RBFOX1: variants seen among roughly 807,000 people sequenced by gnomAD.
RBFOX1 encodes the protein RNA binding protein fox-1 homolog 1.
A neutral mutation model predicts 57.7 loss-of-function variants in RBFOX1; 8 were observed. The observed-to-expected ratio is 0.14, with a 90% CI of 0.08 to 0.25. RBFOX1 has a LOEUF of 0.25. Among genes scored for constraint, RBFOX1 ranks in the 10% least tolerant of loss-of-function variants. The pLI is 1.00. For missense variants in RBFOX1, 611 were observed against 548.5 expected (o/e 1.11, Z -1.14); for synonymous variants, 326 against 222.4 (o/e 1.47, Z -4.15).
intron 6 of RBFOX1, among the ~76,000 whole-genome samples, chr16:7,580,608 C>A (rs1202525763): frequency 6.6e-6 from 1 of 152,156 alleles, no homozygotes; most frequent in Admixed American, 6.5e-5. Flanking sequence ...CAGAGCAGGC[C>A]ACAAGTCACC....
intron 1 of RBFOX1, among the ~76,000 whole-genome samples, chr16:6,308,303 C>G (rs1337097395): frequency 6.6e-6 from 1 of 152,020 alleles, no homozygotes; most frequent in African/African-American, 2.4e-5. Context: ...TTGCTTATTC[C>G]TTATGTAGAT....
chr16:5,953,071 C>A (rs1178378168), intron 4 of RBFOX1, among the ~76,000 whole-genome samples: 2 of 129,756 alleles, frequency 1.5e-5, no homozygotes, highest in Admixed American at 8.6e-5. Flanking sequence ...GAAAGTACCA[C>A]TGATTTAGCT....
chr16:5,296,609 C>G (rs1017889149), intron 1 of RBFOX1, among the ~76,000 whole-genome samples: 5 of 151,410 alleles, frequency 3.3e-5, no homozygotes, highest in African/African-American at 4.9e-5. Context: ...ACATTTTCCT[C>G]CTTTCTGACA....
intron 3 of RBFOX1, among the ~76,000 whole-genome samples, chr16:6,987,086 A>G (rs370823249): frequency 1.2e-4 from 18 of 152,090 alleles, no homozygotes; most frequent in Non-Finnish European, 1.5e-4. Context: ...CAAGCGATCT[A>G]TTAGCAGCTT....
intron 1 of RBFOX1, among the ~76,000 whole-genome samples, chr16:5,396,832 T>C (rs1458062361): frequency 6.6e-6 from 1 of 152,226 alleles, no homozygotes; most frequent in East Asian, 1.9e-4. Flanking sequence ...AGTAGATTGA[T>C]TTCTTGAACT....
chr16:6,606,640 T>A (rs1255799372), intron 2 of RBFOX1, among the ~76,000 whole-genome samples: 1 of 152,186 alleles, frequency 6.6e-6, no homozygotes, highest in African/African-American at 2.4e-5. Context: ...GTTAGTTTGC[T>A]AAGGATAATG....
chr16:5,414,164 G>A (rs2067097848), intron 1 of RBFOX1, among the ~76,000 whole-genome samples: 1 of 152,302 alleles, frequency 6.6e-6, no homozygotes, highest in African/African-American at 2.4e-5. Flanking sequence ...ATTGCGCCAA[G>A]GGAAAAACAA....
chr16:5,660,784 G>T (rs561877194), intron 3 of RBFOX1, among the ~76,000 whole-genome samples: 2 of 152,302 alleles, frequency 1.3e-5, no homozygotes, highest in South Asian at 4.1e-4. Flanking sequence ...GAGGTGAGCT[G>T]AAGCAGGCGG....
chr16:6,045,753 A>G lies in RBFOX1; in HGVS notation c.-127+25761A>G, dbSNP rs191368310. ...GAAATCAAGTACACTGTGTTTCCTT[A>G]GGTGGAAGGTGTGGCTACAGAGTTT... On this transcript the variant is annotated intron_variant, in intron 1 of 15. Transcript: ENST00000550418. 2.8e-4 allele frequency among the ~76,000 whole-genome samples: 42 copies of G among 152,340 alleles called. No individual in the cohort carries two copies. The East Asian group carries it at 7.1e-3, about 26-fold the overall frequency.
At chr16:5,920,742 G>T (rs1023472497) in intron 4 of RBFOX1, among the ~76,000 whole-genome samples, 1 of 152,192 alleles carries the variant, frequency 6.6e-6, no homozygotes, top group African/African-American at 2.4e-5. Flanking sequence ...GTCGGTGTGG[G>T]ATCTGAACTG....
intron 10 of RBFOX1, among the ~76,000 whole-genome samples, chr16:7,607,567 AG>A (rs1451374812): frequency 1.3e-5 from 2 of 152,210 alleles, no homozygotes; most frequent in African/African-American, 4.8e-5. Context: ...ACTGCTCCTT[AG>A]GACAATTCAC....
At chr16:7,431,586 C>A (rs1290667937) in intron 4 of RBFOX1, among the ~76,000 whole-genome samples, 1 of 152,174 alleles carries the variant, frequency 6.6e-6, no homozygotes, top group Non-Finnish European at 1.5e-5. Flanking sequence ...TGGTAAAATA[C>A]ACGTAACATA....
intron 3 of RBFOX1, among the ~76,000 whole-genome samples, chr16:6,865,627 C>T (rs141954441): frequency 6.6e-6 from 1 of 152,112 alleles, no homozygotes; most frequent in East Asian, 1.9e-4. Context: ...ATACTATGGA[C>T]TGAGATGTAT....
intron 2 of RBFOX1, among the ~76,000 whole-genome samples, chr16:6,591,540 A>G (rs559653063): frequency 6.6e-6 from 1 of 152,292 alleles, no homozygotes; most frequent in South Asian, 2.1e-4. Context: ...CCCCTGCCTG[A>G]GTTCCTGGTA....
chr16:5,293,567 CACCAAT>C (rs1216834999), intron 1 of RBFOX1, among the ~76,000 whole-genome samples: 1 of 152,174 alleles, frequency 6.6e-6, no homozygotes, highest in African/African-American at 2.4e-5. Flanking sequence ...ATGTAGTAGG[CACCAAT>C]ACTTCCATTG....
intron 3 of RBFOX1, among the ~76,000 whole-genome samples, chr16:6,815,291 C>A (rs192113788): frequency 1.3e-5 from 2 of 152,206 alleles, no homozygotes; most frequent in East Asian, 1.9e-4. Context: ...TTGCCACTTG[C>A]TATTTTATTT....
chr16:6,010,644 A>G (rs774577378), intron 4 of RBFOX1, among the ~76,000 whole-genome samples: 8 of 152,238 alleles, frequency 5.3e-5, no homozygotes, highest in Admixed American at 6.5e-5. Flanking sequence ...CCCTAAAGCA[A>G]TGGTGTAGAA....
chr16:6,172,051 G>C (rs934701540), intron 1 of RBFOX1, among the ~76,000 whole-genome samples: 2 of 152,046 alleles, frequency 1.3e-5, no homozygotes, highest in Non-Finnish European at 2.9e-5. Context: ...TCGATCTCCT[G>C]ACCTCATGAT....
chr16:5,919,983 G>A (rs1005837821), intron 4 of RBFOX1, among the ~76,000 whole-genome samples: 1 of 152,122 alleles, frequency 6.6e-6, no homozygotes, highest in African/African-American at 2.4e-5. Flanking sequence ...CTGTCGCCCA[G>A]GCTGGAGTGC....
Sources: allele counts gnomAD v4.1 joint callset (sites outside exome capture counted in the v4.1 genomes callset), GRCh38; gene constraint gnomAD v4.1.1; transcripts MANE v1.5; gene names NCBI Gene and HGNC (gene_info 2026-07-23, HGNC 2026-07-21).